RPH3A: variants seen among roughly 807,000 people sequenced by gnomAD.
RPH3A encodes rabphilin 3A, also known as rabphilin-3A.
In RPH3A, 48 loss-of-function variants were observed where a neutral mutation model predicts 102.2. The ratio of observed to expected loss-of-function variants is 0.47; its 90% CI spans 0.37 to 0.60. The LOEUF is 0.60. RPH3A is among the 20% of genes least tolerant of loss of function. RPH3A has a pLI of 0.00. For synonymous variants in RPH3A, 310 were observed against 324.3 expected (o/e 0.96, Z 0.47); for missense variants, 781 against 910.1 (o/e 0.86, Z 1.83).
intron 1 of RPH3A, among the ~76,000 whole-genome samples, chr12:112,658,028 A>G (rs929807351): frequency 6.6e-6 from 1 of 151,968 alleles, no homozygotes; most frequent in Non-Finnish European, 1.5e-5. Flanking sequence ...ATGTGGGAGG[A>G]GATGAGGTTG....
At chr12:112,789,810 C>T, upstream of RPH3A, among the ~76,000 whole-genome samples, 1 of 151,338 alleles carries the variant, frequency 6.6e-6, no homozygotes, top group Admixed American at 6.6e-5. Context: ...ACCACCACCA[C>T]CACCACTGAG....
At chr12:112,883,668 G>A (rs1005150951) in intron 16 of RPH3A, among the ~76,000 whole-genome samples, 1 of 151,816 alleles carries the variant, frequency 6.6e-6, no homozygotes, top group Non-Finnish European at 1.5e-5. Flanking sequence ...TGCGTGTGTG[G>A]GTGTGTATGT....
intron 1 of RPH3A, among the ~76,000 whole-genome samples, chr12:112,636,442 C>T (rs2039849342): frequency 6.6e-6 from 1 of 152,176 alleles, no homozygotes; most frequent in African/African-American, 2.4e-5. Context: ...AAATTACCCT[C>T]CTAGTAAACA....
At chr12:112,742,026 T>C (rs1012194249) in intron 1 of RPH3A, among the ~76,000 whole-genome samples, 1 of 152,184 alleles carries the variant, frequency 6.6e-6, no homozygotes, top group Non-Finnish European at 1.5e-5. Context: ...TAAAGGACTG[T>C]TCCCAGGCTA....
intron 1 of RPH3A, among the ~76,000 whole-genome samples, chr12:112,712,970 C>CTTCTTT (rs2040481023): frequency 9.7e-6 from 1 of 103,354 alleles, no homozygotes; most frequent in Admixed American, 1.2e-4. Flanking sequence ...CTTCTTTCTT[C>CTTCTTT]TTCTTTCTTC....
chr12:112,894,770 C>T, intron 20 of RPH3A, 111 bp downstream of exon 20: 1 of 849,904 alleles, frequency 1.2e-6, no homozygotes, highest in African/African-American at 1.7e-5. Flanking sequence ...TAAATGCAGC[C>T]ATTTGAAATG....
chr12:112,595,756 G>A (rs1287984316), intron 1 of RPH3A, among the ~76,000 whole-genome samples: 1 of 152,132 alleles, frequency 6.6e-6, no homozygotes, highest in Non-Finnish European at 1.5e-5. Context: ...TACTCTTAGT[G>A]CATATGTGGC....
At chr12:112,633,624 C>A (rs940401266) in intron 1 of RPH3A, among the ~76,000 whole-genome samples, 1 of 152,162 alleles carries the variant, frequency 6.6e-6, no homozygotes. Context: ...TGCCCCTCAA[C>A]GTTGAACTTC....
intron 1 of RPH3A, among the ~76,000 whole-genome samples, chr12:112,605,266 G>T (rs906623360): frequency 6.6e-6 from 1 of 152,004 alleles, no homozygotes; most frequent in South Asian, 2.1e-4. Flanking sequence ...CCCCAGCTAC[G>T]TGGGAGGCTG....
chr12:112,774,728 G>T (rs537059463), intron 1 of RPH3A, among the ~76,000 whole-genome samples: 67 of 152,006 alleles, frequency 4.4e-4, no homozygotes, highest in African/African-American at 1.5e-3. Context: ...GCTGAACAAC[G>T]AGAACACATG....
intron 1 of RPH3A, among the ~76,000 whole-genome samples, chr12:112,745,916 T>A (rs2040742205): frequency 6.6e-6 from 1 of 152,120 alleles, no homozygotes; most frequent in Non-Finnish European, 1.5e-5. Context: ...TTCCTCTGTT[T>A]GTGATTGTGG....
chr12:112,678,294 A>AG (rs1491548339), intron 1 of RPH3A, among the ~76,000 whole-genome samples: 1,560 of 79,588 alleles, frequency 0.02, 268 homozygotes, highest in African/African-American at 0.048. Flanking sequence ...AGAAAGAAAG[A>AG]AAGAAAGAAA....
intron 1 of RPH3A, among the ~76,000 whole-genome samples, chr12:112,635,622 T>C (rs867075657): frequency 1.2e-4 from 18 of 152,174 alleles, no homozygotes; most frequent in African/African-American, 4.1e-4. Flanking sequence ...GTAGAAAATA[T>C]AATGATGTTT....
chr12:112,663,672 T>C (rs144414106), intron 1 of RPH3A, among the ~76,000 whole-genome samples: 2 of 152,260 alleles, frequency 1.3e-5, no homozygotes, highest in African/African-American at 2.4e-5. Context: ...AATTCTTATT[T>C]ATTCATTTAT....
chr12:112,876,905 A>G, intron 13 of RPH3A, 39 bp downstream of exon 13: 9 of 1,491,286 alleles, frequency 6.0e-6, no homozygotes, highest in Non-Finnish European at 8.1e-6. Context: ...TGGAAAAATC[A>G]CTTCAGGAGC....
At chr12:112,652,165 G>A (rs1259968029) in intron 1 of RPH3A, among the ~76,000 whole-genome samples, 1 of 152,132 alleles carries the variant, frequency 6.6e-6, no homozygotes, top group Non-Finnish European at 1.5e-5. Flanking sequence ...AAACTGCCAA[G>A]TGGAGACCTT....
At chr12:112,587,774 T>G (rs2135961638) in intron 1 of RPH3A, among the ~76,000 whole-genome samples, 1 of 152,332 alleles carries the variant, frequency 6.6e-6, no homozygotes, top group Middle Eastern at 3.4e-3. Flanking sequence ...TAGAGCTGTG[T>G]TTAGTGCACG....
intron 2 of RPH3A, among the ~76,000 whole-genome samples, chr12:112,808,908 G>A (rs1307368698): frequency 6.6e-6 from 1 of 152,112 alleles, no homozygotes; most frequent in Non-Finnish European, 1.5e-5. Flanking sequence ...GGTGGCTCTC[G>A]GCCCTGGCTG....
At chr12:112,881,892 T>C (rs750771527) in intron 15 of RPH3A, 46 bp downstream of exon 15, 2 of 1,493,232 alleles carry the variant, frequency 1.3e-6, no homozygotes, top group South Asian at 2.4e-5. Context: ...GCATGGGCCC[T>C]GGCAGATACC....
Sources: allele counts gnomAD v4.1 joint callset (sites outside exome capture counted in the v4.1 genomes callset), GRCh38; gene constraint gnomAD v4.1.1; transcripts MANE v1.5; gene names NCBI Gene and HGNC (gene_info 2026-07-23, HGNC 2026-07-21).